The following ERBB3 variants were observed in gnomAD, a reference collection of about 807,000 sequenced individuals.
ERBB3 encodes the protein erb-b2 receptor tyrosine kinase 3, also known as receptor tyrosine-protein kinase erbB-3.
In ERBB3, 96 loss-of-function variants were observed where a neutral mutation model predicts 156.7. The ratio of observed to expected loss-of-function variants is 0.61; its 90% confidence interval spans 0.52 to 0.73. ERBB3 has a LOEUF of 0.73. Among genes scored for constraint, ERBB3 ranks in the 30% least tolerant of loss-of-function variants. The pLI is 0.00. For synonymous variants in ERBB3, 567 were observed against 632.0 expected (o/e 0.90, Z 1.54); for missense variants, 1,406 against 1,709.4 (o/e 0.82, Z 3.13).
In ERBB3 at chr12:56,088,019, A is replaced by G. The variant is rs2136794874; in HGVS notation, c.733-2A>G. ...AATCTGATGAGCCTCCTTTTTTCCC[A>G]GGCCTGCCGGCACTTCAATGACAGT... On this transcript the variant is annotated splice_acceptor_variant, in intron 6 of 27. Coordinates refer to ENST00000267101, the MANE Select transcript of ERBB3 (RefSeq NM_001982.4). LOFTEE classifies it high-confidence loss of function. The G allele has an allele frequency of 6.2e-7, 1 of 1,614,104 alleles. No individual in the cohort carries two copies. Among genetic ancestry groups the G allele is most frequent in the Non-Finnish European group, 8.5e-7 (1 of 1,180,004 alleles).
Position 56,098,547 on chromosome 12 carries a change from C to A in ERBB3, c.2664C>A (p.Tyr888Ter). The A allele has an allele frequency of 6.2e-7, 1 of 1,613,666 alleles. No homozygotes were observed. Among genetic ancestry groups the A allele is most frequent in the Non-Finnish European group, 8.5e-7 (1 of 1,179,560 alleles). Residue 888 changes from tyrosine (Y) to a stop codon, truncating the protein, a stop_gained, in exon 22 of 28, where the codon TAC (tyrosine) becomes TAA (stop). Coordinates refer to ENST00000267101, the MANE Select transcript of ERBB3 (RefSeq NM_001982.4). LOFTEE classifies it high-confidence loss of function. ...MALESIHFGK[Y>*]THQSDVWSYG... ...TTGAGAGTATCCACTTTGGGAAATA[C>A]ACACACCAGAGTGATGTCTGGAGCT... is the stretch of plus-strand genomic sequence containing the variant.
intron 20 of ERBB3, among the ~76,000 whole-genome samples, chr12:56,097,476 T>C (rs1868926493): frequency 6.6e-6 from 1 of 152,172 alleles, no homozygotes; most frequent in Admixed American, 6.5e-5. Context: ...CCGCCTCCTG[T>C]CAGATCAGGG....
At chr12:56,096,035 T>C (rs1346797326) in intron 17 of ERBB3, 1 of 596,258 alleles carries the variant, frequency 1.7e-6, no homozygotes, top group East Asian at 2.8e-5. Flanking sequence ...CTAGTCCTGA[T>C]TTTGCCATTA....
At chr12:56,100,281 C>G (rs777373519) in intron 26 of ERBB3, 36 bp downstream of exon 26, 3 of 1,474,448 alleles carry the variant, frequency 2.0e-6, no homozygotes, top group African/African-American at 1.4e-5. Context: ...GTTTTAGGAT[C>G]AGATTGATAC....
chr12:56,098,937 CTTT>C (rs753713010), intron 23 of ERBB3, 32 bp downstream of exon 23: 3 of 1,526,620 alleles, frequency 2.0e-6, no homozygotes, highest in Admixed American at 3.8e-5. Context: ...ACCATTTTCT[CTTT>C]TTTTCTTTTT....
In ERBB3 at chr12:56,098,361, G is replaced by A. The variant is rs541536069; in HGVS notation, c.2617-139G>A. The A allele has an allele frequency of 1.6e-5, 11 of 696,104 alleles. No individual in the cohort carries two copies. The East Asian group carries it at 1.9e-4, about 12-fold the overall frequency. The allele number at this position is 696,104 out of a possible 1,614,324, so 43.1% of individuals were successfully genotyped here. On this transcript the variant is annotated intron_variant, in intron 21 of 27. Coordinates refer to ENST00000267101, the MANE Select transcript of ERBB3 (RefSeq NM_001982.4). The stretch of plus-strand genomic sequence containing the variant: ...CAGGAGGCGGAGCTTGCAGTGGGCC[G>A]AGATCGCACCACTGCACTCCAGTCT...
rs57274370 is a variant in ERBB3 at position 56,085,761 on chromosome 12, CAAAAAAAAAA to C, written c.421+597_421+606del. 259 of 95,378 alleles carry C rather than the reference CAAAAAAAAAA, an allele frequency of 2.7e-3. 2 individuals carry two copies. The highest frequency in any genetic ancestry group is 7.4e-3 in the South Asian group (24 of 3,236). 5.9% of individuals were successfully genotyped at this position (95,378 alleles called of 1,614,324 possible). ...CGTAAGTGACAGTGAGACTCCGTCT[CAAAAAAAAAA>C]AAAAAAAAAAAAAAAAGCCTGGGCG... On this transcript the variant is annotated intron_variant, in intron 3 of 27. Coordinates refer to ENST00000267101, the MANE Select transcript of ERBB3 (RefSeq NM_001982.4).
rs758455948 is a variant in ERBB3 at position 56,101,630 on chromosome 12, C to A, written c.3604C>A (p.Arg1202=). ...DEDEEYEYMN[R]RRRHSPPHPP... is the part of the protein sequence containing the mutation. ...AGATGAGGAGTATGAATACATGAAC[C>A]GGAGGAGAAGGCACAGTCCACCTCA... The change falls in exon 28 of 28, where the codon CGG becomes AGG. Residue 1202 remains arginine (R), a synonymous_variant. Coordinates refer to ENST00000267101, the MANE Select transcript of ERBB3 (RefSeq NM_001982.4). 14 of 1,613,824 alleles carry A rather than the reference C, an allele frequency of 8.7e-6. No individual in the cohort carries two copies. In the East Asian group the frequency reaches 2.0e-4, roughly 23 times the overall value.
chr12:56,102,194 A>G lies in ERBB3; in HGVS notation c.*139A>G. ...CCAGACAATTCCATTCAATCTTTGG[A>G]GGCTTTTAAACATTTTGACACAAAA... is the stretch of plus-strand genomic sequence containing the variant. On this transcript the variant is annotated 3_prime_UTR_variant, in exon 28 of 28. Coordinates refer to ENST00000267101, the MANE Select transcript of ERBB3 (RefSeq NM_001982.4). 1.3e-6 allele frequency: 1 copy of G among 795,114 alleles called. No homozygotes were observed. Among genetic ancestry groups the G allele is most frequent in the Non-Finnish European group, 2.1e-6 (1 of 477,670 alleles). 49.3% of individuals were successfully genotyped at this position (795,114 alleles called of 1,614,324 possible).
intron 15 of ERBB3, among the ~76,000 whole-genome samples, 161 bp from the exon 16 acceptor site, chr12:56,095,096 G>C (rs571397011): frequency 5.5e-4 from 84 of 152,348 alleles, no homozygotes; most frequent in African/African-American, 1.9e-3. Flanking sequence ...GGCTTGGGGA[G>C]AGCTAGTGAG....
In ERBB3 at chr12:56,101,148, T is replaced by C. The variant is rs77822103; in HGVS notation, c.3289T>C (p.Ser1097Pro). The C allele has an allele frequency of 4.3e-4, 693 of 1,614,084 alleles. 2 individuals are homozygous for C. The highest frequency in any genetic ancestry group is 3.3e-3 in the Middle Eastern group (20 of 6,062). Residue 1097 changes from serine to proline, a missense_variant, in exon 27 of 28, where the codon TCA becomes CCA. Physicochemically the swap from Ser to Pro is moderately conservative, Grantham distance 74 (BLOSUM62 -1). Transcript: ENST00000267101. ...MPRGCLASES[S>P]EGHVTGSEAE... is the part of the protein sequence containing the mutation. The stretch of plus-strand genomic sequence containing the variant: ...ACGGGGATGCCTGGCATCAGAGTCA[T>C]CAGAGGGGCATGTAACAGGCTCTGA...
At chr12:56,100,848 G>A (rs769796595) in intron 26 of ERBB3, among the ~76,000 whole-genome samples, 2 of 146,518 alleles carry the variant, frequency 1.4e-5, no homozygotes, top group Non-Finnish European at 3.0e-5. Flanking sequence ...GCTGAGGCAG[G>A]AGAATCACTT....
intron 3 of ERBB3, chr12:56,085,527 T>G (rs938567776): frequency 2.8e-5 from 29 of 1,026,112 alleles, no homozygotes; most frequent in Non-Finnish European, 3.7e-5. Context: ...GGCAGATCAC[T>G]TGAGATCAGG....
At chr12:56,101,468 C>A (rs2136829758) in intron 27 of ERBB3, 61 bp from the exon 28 acceptor site, 1 of 1,603,266 alleles carries the variant, frequency 6.2e-7, no homozygotes. Context: ...TTAATTTTTT[C>A]AAACTTTCCC....
rs1437489759 is a variant in ERBB3 at position 56,098,537 on chromosome 12, T to G, written c.2654T>G (p.Phe885Cys). 1.2e-6 allele frequency: 2 copies of G among 1,613,852 alleles called. No homozygotes were observed. The highest frequency in any genetic ancestry group is 1.3e-5 in the African/African-American group (1 of 74,950). Residue 885 changes from phenylalanine (F) to cysteine (C), a missense_variant, in exon 22 of 28, where the codon TTT (phenylalanine) becomes TGT (cysteine). By Grantham distance (205) the Phe-to-Cys change is radical (BLOSUM62 -2). Transcript: ENST00000267101. Reference sequence around the variant, plus strand: ...TGGATGGCCCTTGAGAGTATCCACTTTGGGAAATACACACACCAGAGTGAT... The same window carrying G: ...TGGATGGCCCTTGAGAGTATCCACTGTGGGAAATACACACACCAGAGTGAT... Reference protein sequence around the residue: ...IKWMALESIHFGKYTHQSDVW... With the variant: ...IKWMALESIHCGKYTHQSDVW...
At chr12:56,098,959 T>C in intron 23 of ERBB3, 54 bp downstream of exon 23, 2 of 1,465,544 alleles carry the variant, frequency 1.4e-6, no homozygotes, top group Non-Finnish European at 1.8e-6. Context: ...TTTTTTCTTT[T>C]TTTTTTTTTT....
intron 23 of ERBB3, 50 bp downstream of exon 23, chr12:56,098,955 CTTT>C (rs372817506): frequency 2.6e-3 from 3,257 of 1,251,940 alleles, no homozygotes; most frequent in Non-Finnish European, 3.1e-3. Flanking sequence ...CTTTTTTTTT[CTTT>C]TTTTTTTTTT....
At chr12:56,100,335 G>C (rs1301959683) in intron 26 of ERBB3, 90 bp downstream of exon 26, 3 of 1,132,358 alleles carry the variant, frequency 2.6e-6, no homozygotes, top group Non-Finnish European at 4.0e-6. Flanking sequence ...TTTAATCAGT[G>C]TCCTGCAAAA....
intron 26 of ERBB3, among the ~76,000 whole-genome samples, chr12:56,100,657 A>G (rs1227485883): frequency 6.8e-6 from 1 of 146,544 alleles, no homozygotes; most frequent in Non-Finnish European, 1.5e-5. Flanking sequence ...AAAAAAAAAA[A>G]AAGGCCAGGT....
Sources: gnomAD v4.1 joint callset for allele counts (sites outside exome capture counted in the v4.1 genomes callset) on GRCh38, gnomAD v4.1.1 for gene constraint, MANE v1.5 for transcripts, NCBI Gene and HGNC (gene_info 2026-07-23, HGNC 2026-07-21) for gene names.